ZMYND8: variants seen among roughly 807,000 people sequenced by gnomAD.
The protein encoded by ZMYND8 is MYND-type zinc finger-containing chromatin reader ZMYND8.
ZMYND8 carries 37 observed loss-of-function variants against 140.8 expected under a neutral mutation model. The ratio of observed to expected loss-of-function variants is 0.26; its 90% CI spans 0.20 to 0.35. The LOEUF is 0.35. ZMYND8 is among the 10% of genes least tolerant of loss of function. The probability of loss-of-function intolerance (pLI) is 1.00; values close to 1 mark genes in which losing one functional copy is unlikely to be tolerated. For missense variants in ZMYND8, 1,068 were observed against 1,570.0 expected, an observed-to-expected ratio of 0.68 and a Z score of 5.40; for synonymous variants, 592 against 597.1, an observed-to-expected ratio of 0.99 and a Z score of 0.12.
chr20:47,218,006 T>C (rs543527022), intron 21 of ZMYND8, among the ~76,000 whole-genome samples: 27 of 152,246 alleles, frequency 1.8e-4, no homozygotes, highest in Non-Finnish European at 2.5e-4. Context: ...TCAAGTTTCA[T>C]TGGCACAAGG....
At chr20:47,311,193 G>A (rs1470486383) in intron 2 of ZMYND8, among the ~76,000 whole-genome samples, 1 of 152,044 alleles carries the variant, frequency 6.6e-6, no homozygotes, top group African/African-American at 2.4e-5. Flanking sequence ...CACCGCCTCT[G>A]GGCCTCGTGT....
At chr20:47,302,606 G>A (rs569473360) in intron 3 of ZMYND8, among the ~76,000 whole-genome samples, 19 of 152,222 alleles carry the variant, frequency 1.2e-4, no homozygotes, top group African/African-American at 4.6e-4. Context: ...AGTCTTACTT[G>A]ATGTGTAGAA....
chr20:47,255,158 CT>C (rs1208780443), intron 12 of ZMYND8, among the ~76,000 whole-genome samples: 2 of 152,038 alleles, frequency 1.3e-5, no homozygotes, highest in Admixed American at 6.6e-5. Flanking sequence ...TCTCCAGACA[CT>C]GCCAAATGTC....
chr20:47,283,051 C>T (rs1330237030), intron 9 of ZMYND8, among the ~76,000 whole-genome samples: 1 of 152,124 alleles, frequency 6.6e-6, no homozygotes, highest in East Asian at 1.9e-4. Flanking sequence ...ACCAACCCCA[C>T]CCCCAACACA....
intron 20 of ZMYND8, 60 bp downstream of exon 20, chr20:47,221,254 C>G: frequency 6.3e-7 from 1 of 1,595,224 alleles, no homozygotes; most frequent in Non-Finnish European, 8.5e-7. Context: ...ACAGGGGGTC[C>G]TAAGTCCACT....
At chr20:47,289,922 T>C (rs1186588835) in intron 7 of ZMYND8, among the ~76,000 whole-genome samples, 1 of 152,238 alleles carries the variant, frequency 6.6e-6, no homozygotes, top group Non-Finnish European at 1.5e-5. Context: ...CTGTATGTTT[T>C]ATTTTATGCA....
chr20:47,328,345 T>A lies in ZMYND8; in HGVS notation c.86-18141A>T, dbSNP rs141041654. On this transcript the variant is annotated intron_variant, in intron 2 of 22. Transcript: ENST00000471951. ...TACCAAACTGTTATCACTGGTTACC[T>A]GGCAGGAGAAGATTTTTAGCTTTTT... Among the ~76,000 whole-genome samples the A allele has an allele frequency of 4.9e-3, 745 of 152,360 alleles. 7 individuals are homozygous for A. The highest frequency in any genetic ancestry group is 0.017 in the African/African-American group (716 of 41,590).
intron 15 of ZMYND8, chr20:47,238,119 G>A (rs73910803): frequency 6.5e-6 from 1 of 152,794 alleles, no homozygotes; most frequent in African/African-American, 2.4e-5. Flanking sequence ...GCTCACAGTA[G>A]AAAAAAAACT....
intron 18 of ZMYND8, among the ~76,000 whole-genome samples, chr20:47,226,691 T>C (rs543558405): frequency 2.0e-5 from 3 of 152,214 alleles, no homozygotes; most frequent in Admixed American, 6.5e-5. Context: ...ATATAACAGA[T>C]CCCTTTATCA....
At chr20:47,335,320 G>A (rs1490348033) in intron 2 of ZMYND8, among the ~76,000 whole-genome samples, 9 of 151,526 alleles carry the variant, frequency 5.9e-5, no homozygotes, top group Non-Finnish European at 1.0e-4. Flanking sequence ...TTTTTTTTAA[G>A]TCTATAAAGC....
At chr20:47,246,732 G>C (rs756277374) in intron 13 of ZMYND8, among the ~76,000 whole-genome samples, 7 of 152,176 alleles carry the variant, frequency 4.6e-5, no homozygotes, top group Non-Finnish European at 7.3e-5. Flanking sequence ...TGGTTGTTAG[G>C]AGACACAGGA....
At chr20:47,336,392 T>C (rs761849663) in intron 2 of ZMYND8, among the ~76,000 whole-genome samples, 4 of 152,150 alleles carry the variant, frequency 2.6e-5, no homozygotes, top group Non-Finnish European at 5.9e-5. Flanking sequence ...CTTGTGCCGG[T>C]GACATTACAC....
At chr20:47,240,717 G>T (rs1269181126) in intron 14 of ZMYND8, among the ~76,000 whole-genome samples, 1 of 151,042 alleles carries the variant, frequency 6.6e-6, no homozygotes, top group East Asian at 2.1e-4. Flanking sequence ...ACCGCACCCA[G>T]CTAATTTTTT....
intron 14 of ZMYND8, among the ~76,000 whole-genome samples, chr20:47,243,222 C>G (rs1219752532): frequency 1.3e-5 from 2 of 152,222 alleles, no homozygotes; most frequent in African/African-American, 4.8e-5. Context: ...ATCCAAAATG[C>G]CCTTCACTTA....
chr20:47,294,371 C>CA (rs34089691), intron 5 of ZMYND8, among the ~76,000 whole-genome samples: 42,127 of 144,948 alleles, frequency 0.29, 6,223 homozygotes, highest in South Asian at 0.45. Flanking sequence ...AACAAACAAA[C>CA]AAAAAAAAAA....
chr20:47,244,819 G>A (rs1211769470), intron 14 of ZMYND8, among the ~76,000 whole-genome samples: 1 of 152,224 alleles, frequency 6.6e-6, no homozygotes, highest in Non-Finnish European at 1.5e-5. Context: ...CACTTTAGGA[G>A]GCCGAGCTGG....
chr20:47,344,949 CA>C (rs199710064), intron 2 of ZMYND8, among the ~76,000 whole-genome samples: 6 of 150,158 alleles, frequency 4.0e-5, no homozygotes, highest in African/African-American at 1.2e-4. Flanking sequence ...CTCATCCCTA[CA>C]AAAAAAAAAT....
chr20:47,309,973 C>A lies in ZMYND8; in HGVS notation c.234+83G>T, dbSNP rs1044085934. On this transcript the variant is annotated intron_variant, in intron 3 of 22. Transcript: ENST00000471951. The stretch of plus-strand genomic sequence containing the variant: ...AGCTAACTAAATCCAAGAAAGCCGG[C>A]GCTTACAAGGATCCAGAGGTTCAGC... 5 of 1,565,924 alleles carry A rather than the reference C, an allele frequency of 3.2e-6. No individual in the cohort carries two copies. In the African/African-American group the frequency reaches 5.5e-5, roughly 17 times the overall value.
rs184864495 is a variant in ZMYND8, at chr20:47,223,365, G to A, written c.3256+952C>T. 7.4e-3 allele frequency among the ~76,000 whole-genome samples: 1,125 copies of A among 151,968 alleles called. 19 individuals are homozygous for A. Among genetic ancestry groups the A allele is most frequent in the African/African-American group, 0.026 (1,057 of 41,394 alleles). On this transcript the variant is annotated intron_variant, in intron 19 of 22. Coordinates refer to ENST00000471951, the MANE Select transcript of ZMYND8 (RefSeq NM_001281775.3). ...TACTAATAATACAAAAATTAGCTGC[G>A]CATGGTGATGTGTGCCTGTAATACC...
Sources: allele counts gnomAD v4.1 joint callset (sites outside exome capture counted in the v4.1 genomes callset), GRCh38; gene constraint gnomAD v4.1.1; transcripts MANE v1.5; gene names NCBI Gene and HGNC (gene_info 2026-07-23, HGNC 2026-07-21).